The following CLEC16A variants were observed in gnomAD, a reference collection of about 807,000 sequenced individuals.
The protein encoded by CLEC16A is protein CLEC16A.
Under a neutral mutation model 109.5 loss-of-function variants are expected in CLEC16A, and 51 were observed. That is an observed-to-expected ratio of 0.47 (90% CI 0.37 to 0.59). The LOEUF (loss-of-function observed/expected upper bound fraction) is 0.59. Ranked by LOEUF, CLEC16A falls within the 20% of genes least tolerant of loss-of-function variation. CLEC16A has a pLI of 0.00. For synonymous variants in CLEC16A, 673 were observed against 564.2 expected, an observed-to-expected ratio of 1.19 and a Z score of -2.73; for missense variants, 1,339 against 1,394.0, an observed-to-expected ratio of 0.96 and a Z score of 0.63.
intron 15 of CLEC16A, among the ~76,000 whole-genome samples, chr16:11,043,737 T>A (rs2152859554): frequency 6.6e-6 from 1 of 152,152 alleles, no homozygotes; most frequent in Non-Finnish European, 1.5e-5. Flanking sequence ...TGGTGATGGG[T>A]GCCTGTAATA....
intron 10 of CLEC16A, among the ~76,000 whole-genome samples, chr16:10,986,731 A>ATGTGTGTGTGTG (rs59931468): frequency 0.029 from 4,297 of 150,146 alleles, 127 homozygotes; most frequent in East Asian, 0.079. Context: ...TTAAGGCTCA[A>ATGTGTGTGTGTG]TGTGTGTGTG....
intron 11 of CLEC16A, among the ~76,000 whole-genome samples, chr16:11,016,469 C>T (rs909275045): frequency 2.2e-4 from 34 of 152,094 alleles, no homozygotes; most frequent in African/African-American, 7.7e-4. Flanking sequence ...ATGCCTCAGC[C>T]TCCCCAGTAG....
chr16:11,100,399 G>C (rs2050851009), intron 19 of CLEC16A, among the ~76,000 whole-genome samples: 1 of 152,242 alleles, frequency 6.6e-6, no homozygotes, highest in African/African-American at 2.4e-5. Context: ...CCAAAGTGAA[G>C]TCACCCCTGC....
Position 10,944,817 on chromosome 16 carries a change from CG to C in CLEC16A, c.80+23del. 6.3e-7 allele frequency: 1 copy of C among 1,578,528 alleles called. No homozygotes were observed. Among genetic ancestry groups the C allele is most frequent in the East Asian group, 2.3e-5 (1 of 43,874 alleles). On this transcript the variant is annotated intron_variant, in intron 1 of 23. Coordinates refer to ENST00000409790, the MANE Select transcript of CLEC16A (RefSeq NM_015226.3). ...CCTCAAGTGAGTGTGGGGGGCGTAG[CG>C]GGAGGCCTCGGGGCTGGACAGGGGG...
In CLEC16A at chr16:11,104,243, G is replaced by A. The variant is rs535328779; in HGVS notation, c.2117-16372G>A. Among the ~76,000 whole-genome samples the A allele has an allele frequency of 2.2e-4, 33 of 151,606 alleles. No individual in the cohort carries two copies. The South Asian group carries it at 6.7e-3, about 31-fold the overall frequency. ...CCTGCCTCAGCCTTCCAAGTACCTG[G>A]GACTACAGCCATGTGCCACCATACC... On this transcript the variant is annotated intron_variant, in intron 19 of 23. Transcript: ENST00000409790.
chr16:11,158,636 C>T (rs1016999919), intron 22 of CLEC16A, among the ~76,000 whole-genome samples: 4 of 152,158 alleles, frequency 2.6e-5, no homozygotes, highest in African/African-American at 4.8e-5. Context: ...AAAACAGAGG[C>T]TGGAGACCGG....
chr16:11,110,040 G>A (rs1201796306), intron 19 of CLEC16A, among the ~76,000 whole-genome samples: 1 of 152,202 alleles, frequency 6.6e-6, no homozygotes, highest in African/African-American at 2.4e-5. Context: ...TTAAAATACA[G>A]CAAAAGTCAG....
chr16:11,064,849 A>G (rs1318255529), intron 19 of CLEC16A, among the ~76,000 whole-genome samples: 1 of 152,230 alleles, frequency 6.6e-6, no homozygotes, highest in Non-Finnish European at 1.5e-5. Flanking sequence ...TCACATGTAA[A>G]GCTCACAGCA....
In CLEC16A at chr16:10,971,171, A is replaced by G. The variant is rs774299916; in HGVS notation, c.539A>G (p.Asn180Ser). ...ALYTEAIKFF[N>S]HPESMVRIAV... ...TACACAGAAGCCATCAAGTTTTTCA[A>G]CCACCCTGAAAGCATGGTTAGAATT... The change falls in exon 5 of 24, where the codon AAC (asparagine) becomes AGC (serine). Residue 180 changes from asparagine to serine, a missense_variant. Coordinates refer to ENST00000409790, the MANE Select transcript of CLEC16A (RefSeq NM_015226.3). 1.4e-5 allele frequency: 23 copies of G among 1,613,712 alleles called. No homozygotes were observed. Among genetic ancestry groups the G allele is most frequent in the South Asian group, 7.7e-5 (7 of 91,084 alleles).
intron 19 of CLEC16A, among the ~76,000 whole-genome samples, chr16:11,103,632 C>G (rs922916638): frequency 6.6e-6 from 1 of 152,166 alleles, no homozygotes; most frequent in Non-Finnish European, 1.5e-5. Flanking sequence ...GACCCTTGGG[C>G]TGTGTCATGG....
At chr16:11,140,269 G>A (rs978944022) in intron 22 of CLEC16A, among the ~76,000 whole-genome samples, 3 of 152,122 alleles carry the variant, frequency 2.0e-5, no homozygotes, top group Non-Finnish European at 4.4e-5. Context: ...CCTGGCTCAC[G>A]GATGTCCTGT....
At chr16:11,139,418 A>C (rs2053720533) in intron 22 of CLEC16A, among the ~76,000 whole-genome samples, 1 of 152,222 alleles carries the variant, frequency 6.6e-6, no homozygotes, top group Non-Finnish European at 1.5e-5. Flanking sequence ...ATTTAGTATA[A>C]ATATGCTTTT....
At chr16:11,144,860 C>G (rs1233628322) in intron 22 of CLEC16A, among the ~76,000 whole-genome samples, 1 of 152,144 alleles carries the variant, frequency 6.6e-6, no homozygotes, top group Non-Finnish European at 1.5e-5. Flanking sequence ...CAAAGCTTGT[C>G]ATGCCTTGGG....
Position 11,178,513 on chromosome 16 carries a change from C to T in CLEC16A, c.2985C>T (p.Cys995=), listed in dbSNP as rs372305959. The change falls in exon 24 of 24, where the codon TGC becomes TGT. Residue 995 remains cysteine (C), a synonymous_variant. Coordinates refer to ENST00000409790, the MANE Select transcript of CLEC16A (RefSeq NM_015226.3). This position sits in a 1 kb window ranked among gnomAD's most constrained non-coding sequence, Gnocchi z 6.5. ...PARQPTISLL[C]EDTADTLSVE... ...GGCAGCCCACCATTTCCCTGCTCTG[C>T]GAGGACACGGCTGACACGCTGAGCG... The T allele has an allele frequency of 1.3e-5, 21 of 1,613,344 alleles. 1 individual carries two copies. Among genetic ancestry groups the T allele is most frequent in the East Asian group, 2.2e-5 (1 of 44,898 alleles).
At position 11,000,706 on chromosome 16, in the gene CLEC16A, T is replaced by C. The variant is rs149589026; in HGVS notation, c.1072-2368T>C. 4.6e-4 allele frequency among the ~76,000 whole-genome samples: 70 copies of C among 152,326 alleles called. No homozygotes were observed. The East Asian group carries it at 0.012, about 27-fold the overall frequency. On this transcript the variant is annotated intron_variant, in intron 10 of 23. Coordinates refer to ENST00000409790, the MANE Select transcript of CLEC16A (RefSeq NM_015226.3). ...TGGACAGTAGAATCATGCAGCAATT[T>C]ATGTGTCATTTTTTTGTGGTTGAAT...
At chr16:11,056,505 T>G (rs986464700) in intron 18 of CLEC16A, 3 of 152,162 alleles carry the variant, frequency 2.0e-5, no homozygotes, top group African/African-American at 7.2e-5. Context: ...TTGGTGAATA[T>G]CAAAATCCAA....
intron 14 of CLEC16A, 106 bp downstream of exon 14, chr16:11,039,982 C>T (rs370511334): frequency 2.0e-4 from 271 of 1,370,576 alleles, no homozygotes; most frequent in African/African-American, 7.3e-4. Context: ...TCTGAGAATC[C>T]GGGCCCATCC....
intron 19 of CLEC16A, among the ~76,000 whole-genome samples, chr16:11,092,785 C>T (rs576834159): frequency 2.0e-4 from 30 of 152,280 alleles, no homozygotes; most frequent in African/African-American, 6.0e-4. Context: ...TGACTTCGGC[C>T]GAGCTTCTGA....
chr16:11,155,928 C>T (rs530276099), intron 22 of CLEC16A, among the ~76,000 whole-genome samples: 6 of 152,278 alleles, frequency 3.9e-5, no homozygotes, highest in African/African-American at 1.4e-4. Context: ...ATTCCCTGGC[C>T]CCTTTGTACA....
Sources: allele counts gnomAD v4.1 joint callset (sites outside exome capture counted in the v4.1 genomes callset), GRCh38; gene constraint gnomAD v4.1.1; non-coding constraint Gnocchi (gnomAD v3.1); transcripts MANE v1.5; gene names NCBI Gene and HGNC (gene_info 2026-07-23, HGNC 2026-07-21).